Variants in ADCY8 observed in about 807,000 individuals in gnomAD.
The protein encoded by ADCY8 is adenylate cyclase type 8.
Under a neutral mutation model 119.7 loss-of-function variants are expected in ADCY8, and 51 were observed. That is an observed-to-expected ratio of 0.43 (90% CI 0.34 to 0.54). The LOEUF (loss-of-function observed/expected upper bound fraction) is 0.54, where lower values mean the gene tolerates loss of function less well. Among genes scored for constraint, ADCY8 ranks in the 20% least tolerant of loss-of-function variants. ADCY8 has a pLI of 0.03. For synonymous variants in ADCY8, 665 were observed against 651.0 expected (o/e 1.02, Z -0.33); for missense variants, 1,383 against 1,598.8 (o/e 0.87, Z 2.30).
At chr8:131,002,520 T>C (rs147535617) in intron 1 of ADCY8, among the ~76,000 whole-genome samples, 2,657 of 152,334 alleles carry the variant, frequency 0.017, 35 homozygotes, top group Non-Finnish European at 0.026. Context: ...TTCCCACAGC[T>C]GTTGGCTCTG....
At chr8:130,789,845 G>T (rs79775584) in intron 15 of ADCY8, among the ~76,000 whole-genome samples, 2 of 152,066 alleles carry the variant, frequency 1.3e-5, no homozygotes, top group South Asian at 2.1e-4. Context: ...GCAAAATTGC[G>T]GCCCCTTCAG....
chr8:130,942,746 A>G (rs1820993640), intron 4 of ADCY8, among the ~76,000 whole-genome samples: 1 of 152,170 alleles, frequency 6.6e-6, no homozygotes, highest in Non-Finnish European at 1.5e-5. Context: ...CGTGATAATG[A>G]TATTACTTCG....
intron 12 of ADCY8, among the ~76,000 whole-genome samples, chr8:130,829,237 A>G (rs575756015): frequency 3.3e-5 from 5 of 152,314 alleles, no homozygotes; most frequent in African/African-American, 1.2e-4. Context: ...TATCTTAAGC[A>G]CTGATCTTGA....
chr8:130,883,525 G>C (rs1256124816), intron 8 of ADCY8, among the ~76,000 whole-genome samples: 4 of 152,182 alleles, frequency 2.6e-5, no homozygotes, highest in Admixed American at 6.5e-5. Context: ...TGGGAATGCT[G>C]TATGTGCACA....
At chr8:130,963,704 G>A (rs1314322330) in intron 2 of ADCY8, among the ~76,000 whole-genome samples, 1 of 152,086 alleles carries the variant, frequency 6.6e-6, no homozygotes, top group Admixed American at 6.5e-5. Context: ...GCAGGCCCAT[G>A]CTAGAGATGT....
intron 9 of ADCY8, among the ~76,000 whole-genome samples, chr8:130,861,458 G>T (rs1296470168): frequency 6.6e-6 from 1 of 151,982 alleles, no homozygotes; most frequent in Non-Finnish European, 1.5e-5. Flanking sequence ...AAATAATATT[G>T]TTTCTTTAAT....
At chr8:130,830,012 TC>T (rs1816781932) in intron 12 of ADCY8, among the ~76,000 whole-genome samples, 1 of 152,176 alleles carries the variant, frequency 6.6e-6, no homozygotes, top group African/African-American at 2.4e-5. Context: ...AATGCCCTTT[TC>T]AGCAGGAAGT....
intron 9 of ADCY8, among the ~76,000 whole-genome samples, chr8:130,859,583 C>T (rs1437828957): frequency 6.6e-6 from 1 of 152,218 alleles, no homozygotes; most frequent in Non-Finnish European, 1.5e-5. Context: ...GCTTCATACA[C>T]TTTTAATACA....
intron 2 of ADCY8, among the ~76,000 whole-genome samples, chr8:130,967,261 T>G (rs937020813): frequency 2.0e-5 from 3 of 152,106 alleles, no homozygotes; most frequent in Non-Finnish European, 4.4e-5. Flanking sequence ...GCAAGGAGGG[T>G]GGAAGTCTGG....
At chr8:130,983,068 C>T (rs1363580261) in intron 2 of ADCY8, among the ~76,000 whole-genome samples, 1 of 152,110 alleles carries the variant, frequency 6.6e-6, no homozygotes, top group Non-Finnish European at 1.5e-5. Flanking sequence ...GCAATAGTGG[C>T]ATGTCATTTA....
chr8:131,020,514 C>G (rs1317728779), intron 1 of ADCY8, among the ~76,000 whole-genome samples: 1 of 152,176 alleles, frequency 6.6e-6, no homozygotes, highest in Non-Finnish European at 1.5e-5. Context: ...GATCAAGAAC[C>G]AGGAGGAGGA....
chr8:130,793,288 C>T (rs1340236962), intron 15 of ADCY8, among the ~76,000 whole-genome samples: 1 of 152,126 alleles, frequency 6.6e-6, no homozygotes, highest in Non-Finnish European at 1.5e-5. Context: ...TATGGGTGTC[C>T]AACCATCTCG....
intron 1 of ADCY8, among the ~76,000 whole-genome samples, chr8:131,000,725 A>G (rs1490405534): frequency 6.6e-6 from 1 of 152,128 alleles, no homozygotes. Flanking sequence ...CTGCTGGACT[A>G]ACACAACGAC....
chr8:130,791,133 T>A (rs1456321599), intron 15 of ADCY8, among the ~76,000 whole-genome samples: 1 of 152,220 alleles, frequency 6.6e-6, no homozygotes, highest in Non-Finnish European at 1.5e-5. Context: ...TCCTGCTCTC[T>A]CTCATGAAGC....
intron 8 of ADCY8, among the ~76,000 whole-genome samples, chr8:130,881,496 C>T (rs1318702394): frequency 6.6e-6 from 1 of 152,128 alleles, no homozygotes; most frequent in Non-Finnish European, 1.5e-5. Context: ...CCTTTCCTTT[C>T]CTACAAAGAT....
intron 2 of ADCY8, among the ~76,000 whole-genome samples, chr8:130,983,221 ATCCTTTAC>A (rs1822290675): frequency 6.6e-6 from 1 of 152,222 alleles, no homozygotes; most frequent in Admixed American, 6.5e-5. Flanking sequence ...AATCTGGCAA[ATCCTTTAC>A]TCTAAGCGAG....
chr8:130,858,883 C>T (rs1179822498), intron 9 of ADCY8, among the ~76,000 whole-genome samples: 3 of 151,488 alleles, frequency 2.0e-5, no homozygotes, highest in Non-Finnish European at 2.9e-5. Flanking sequence ...CTTTGAAATA[C>T]TCCCATTATC....
chr8:130,901,242 C>CTTT (rs34424673), intron 7 of ADCY8, among the ~76,000 whole-genome samples: 2,862 of 115,442 alleles, frequency 0.025, 100 homozygotes, highest in South Asian at 0.071. Flanking sequence ...CATCCCTCCT[C>CTTT]TTTTTTTTTT....
At chr8:130,984,123 A>G (rs1822322514) in intron 2 of ADCY8, among the ~76,000 whole-genome samples, 1 of 151,828 alleles carries the variant, frequency 6.6e-6, no homozygotes, top group South Asian at 2.1e-4. Flanking sequence ...TGAAGAGGAC[A>G]AGAGCTTGCA....
Sources: gnomAD v4.1 joint callset for allele counts (sites outside exome capture counted in the v4.1 genomes callset) on GRCh38, gnomAD v4.1.1 for gene constraint, MANE v1.5 for transcripts, NCBI Gene and HGNC (gene_info 2026-07-23, HGNC 2026-07-21) for gene names.